NPFFR2: variants seen among roughly 807,000 people sequenced by gnomAD.
NPFFR2 encodes the protein neuropeptide FF receptor 2, also known as G-protein coupled receptor 74.
In NPFFR2, 15 loss-of-function variants were observed where a neutral mutation model predicts 13.1. The observed-to-expected ratio is 1.15, with a 90% CI of 0.77 to 1.76. The LOEUF (loss-of-function observed/expected upper bound fraction) is 1.76. Among genes scored for constraint, NPFFR2 ranks in the 40% most tolerant of loss-of-function variants. NPFFR2 has a pLI of 0.00. For missense variants in NPFFR2, 572 were observed against 503.5 expected (o/e 1.14, Z -1.30); for synonymous variants, 190 against 175.7 (o/e 1.08, Z -0.65).
chr4:72,133,824 A>G lies in NPFFR2; in HGVS notation c.329-4216A>G, dbSNP rs190521277. Among the ~76,000 whole-genome samples, 571 of 152,274 alleles carry G rather than the reference A, an allele frequency of 3.7e-3. 6 individuals carry two copies. Among genetic ancestry groups the G allele is most frequent in the African/African-American group, 0.013 (551 of 41,558 alleles). On this transcript the variant is annotated intron_variant, in intron 2 of 3. Transcript: ENST00000308744. ...CTCTCGGCTTGACTGTTGTGGATGT[A>G]TAGGAATGCCAGTGATTTTTGTACA...
At chr4:72,092,777 A>T (rs571733852) in intron 1 of NPFFR2, among the ~76,000 whole-genome samples, 10 of 152,176 alleles carry the variant, frequency 6.6e-5, no homozygotes, top group Admixed American at 6.5e-4. Flanking sequence ...TTGGTTGGTG[A>T]ATTCTTATTC....
At chr4:72,139,558 A>G (rs2109845207) in intron 3 of NPFFR2, among the ~76,000 whole-genome samples, 1 of 152,152 alleles carries the variant, frequency 6.6e-6, no homozygotes, top group East Asian at 1.9e-4. Context: ...GTCAAAAATC[A>G]GATGGATGTA....
chr4:72,134,528 A>C (rs1722349677), intron 2 of NPFFR2, among the ~76,000 whole-genome samples: 1 of 152,166 alleles, frequency 6.6e-6, no homozygotes, highest in Admixed American at 6.5e-5. Flanking sequence ...TTGAATCAAC[A>C]TACAGAATAT....
chr4:72,074,281 T>G (rs564613794), intron 1 of NPFFR2, among the ~76,000 whole-genome samples: 2 of 152,154 alleles, frequency 1.3e-5, no homozygotes, highest in East Asian at 3.9e-4. Flanking sequence ...GACTTTTCAA[T>G]TATGTCACGA....
chr4:72,125,088 A>G (rs1721997946), intron 1 of NPFFR2, among the ~76,000 whole-genome samples: 2 of 152,194 alleles, frequency 1.3e-5, no homozygotes, highest in African/African-American at 4.8e-5. Context: ...TTACCAGAAA[A>G]AACAACCCCA....
chr4:72,085,284 T>C (rs1720734175), intron 1 of NPFFR2, among the ~76,000 whole-genome samples: 1 of 152,164 alleles, frequency 6.6e-6, no homozygotes, highest in Admixed American at 6.6e-5. Context: ...GTATCTTATA[T>C]AATAGCAGTG....
In NPFFR2 at chr4:72,118,666, C is replaced by A. The variant is rs116175528; in HGVS notation, c.-7-9919C>A. On this transcript the variant is annotated intron_variant, in intron 1 of 3. Transcript: ENST00000308744. ...ACCAAGAAATTACAAAAGAAAAAAA[C>A]CTACAATCTATGAAACAAAAATTAT... Among the ~76,000 whole-genome samples the A allele has an allele frequency of 4.3e-3, 653 of 152,080 alleles. 6 individuals carry two copies. The highest frequency in any genetic ancestry group is 0.015 in the African/African-American group (627 of 41,500).
intron 1 of NPFFR2, among the ~76,000 whole-genome samples, chr4:72,040,927 A>ATATAT: frequency 6.8e-6 from 1 of 146,802 alleles, no homozygotes; most frequent in South Asian, 2.2e-4. Flanking sequence ...ACTGCTGTAA[A>ATATAT]ATATATATAT....
chr4:72,052,639 G>A (rs539681649), intron 1 of NPFFR2, among the ~76,000 whole-genome samples: 2 of 152,052 alleles, frequency 1.3e-5, no homozygotes, highest in South Asian at 2.1e-4. Context: ...TTTTGAAAAG[G>A]CCCTGCAAAA....
At chr4:72,136,000 T>A (rs1032548139) in intron 2 of NPFFR2, among the ~76,000 whole-genome samples, 2 of 152,172 alleles carry the variant, frequency 1.3e-5, no homozygotes, top group Admixed American at 1.3e-4. Flanking sequence ...ATTCTACTCT[T>A]AGTTATTGCT....
At chr4:72,049,753 T>C (rs1719486479) in intron 1 of NPFFR2, among the ~76,000 whole-genome samples, 1 of 151,898 alleles carries the variant, frequency 6.6e-6, no homozygotes, top group Non-Finnish European at 1.5e-5. Flanking sequence ...TGGTCTTCTT[T>C]CCCAGCTCCT....
intron 2 of NPFFR2, among the ~76,000 whole-genome samples, chr4:72,132,935 G>A (rs1398559047): frequency 1.3e-5 from 2 of 152,082 alleles, no homozygotes; most frequent in Non-Finnish European, 2.9e-5. Flanking sequence ...TTTTCTCTCA[G>A]TATGTAGGTT....
chr4:72,147,802 G>A lies in NPFFR2; in HGVS notation c.1253G>A (p.Ser418Asn). ...MEELKETTNSSEI is the reference protein window; with the variant it reads ...MEELKETTNSNEI ...GAATTAAAAGAAACTACTAACAGCA[G>A]TGAGATTTAAAAAGAGCTAGTGTGA... is the stretch of plus-strand genomic sequence containing the variant. The change falls in exon 4 of 4, where the codon AGT (serine) becomes AAT (asparagine). Residue 418 changes from serine to asparagine, a missense_variant. Ser to Asn is a conservative substitution (Grantham distance 46, BLOSUM62 1). Coordinates refer to ENST00000308744, the MANE Select transcript of NPFFR2 (RefSeq NM_004885.3). 1 of 1,565,986 alleles carries A rather than the reference G, an allele frequency of 6.4e-7. No homozygotes were observed. The highest frequency in any genetic ancestry group is 8.6e-7 in the Non-Finnish European group (1 of 1,163,416).
intron 1 of NPFFR2, among the ~76,000 whole-genome samples, chr4:72,120,955 G>A (rs1030328767): frequency 3.9e-5 from 6 of 152,076 alleles, no homozygotes; most frequent in Non-Finnish European, 7.4e-5. Context: ...ACTCTTCCAA[G>A]CTAAAGGAGC....
chr4:72,079,517 C>T (rs1441044671), intron 1 of NPFFR2, among the ~76,000 whole-genome samples: 1 of 152,052 alleles, frequency 6.6e-6, no homozygotes, highest in African/African-American at 2.4e-5. Flanking sequence ...CAAAATAGAT[C>T]AGAGACCTAA....
chr4:72,075,331 A>G (rs906121587), intron 1 of NPFFR2, among the ~76,000 whole-genome samples: 2 of 152,128 alleles, frequency 1.3e-5, no homozygotes, highest in African/African-American at 2.4e-5. Context: ...GGACCTTGTG[A>G]TTGTGTGAGT....
rs1721283049 is a variant in NPFFR2 at position 72,102,523 on chromosome 4, C to A, written c.-7-26062C>A. Among the ~76,000 whole-genome samples the A allele has an allele frequency of 2.5e-5, 3 of 120,038 alleles. No individual in the cohort carries two copies. The Admixed American group carries it at 2.8e-4, about 11-fold the overall frequency. 78.7% of individuals were successfully genotyped at this position (120,038 alleles called of 152,430 possible). A position where few individuals can be genotyped will look rare whatever the true frequency, so the allele number is the denominator to read the frequency against. On this transcript the variant is annotated intron_variant, in intron 1 of 3. Coordinates refer to ENST00000308744, the MANE Select transcript of NPFFR2 (RefSeq NM_004885.3). ...GTATATCTCCTAATGCTATCCCTCC[C>A]CCCTCCCCCCACCCACAACAGTCCC...
chr4:72,148,204 C>T lies in NPFFR2; in HGVS notation c.*392C>T, dbSNP rs1578489308. The T allele has an allele frequency of 6.2e-6, 1 of 160,102 alleles. No homozygotes were observed. The allele number at this position is 160,102 out of a possible 1,614,324, so 9.9% of individuals were successfully genotyped here. On this transcript the variant is annotated 3_prime_UTR_variant, in exon 4 of 4. Transcript: ENST00000308744. ...ATGAAACTAGATTTTATCAATTTCT[C>T]CTTTGATTTTGGATTTAAAATTTTA...
At chr4:72,142,917 T>C (rs1239734146) in intron 3 of NPFFR2, among the ~76,000 whole-genome samples, 1 of 152,298 alleles carries the variant, frequency 6.6e-6, no homozygotes, top group South Asian at 2.1e-4. Context: ...GGCAAAGTCA[T>C]TAACAAATAT....
Sources: gnomAD v4.1 joint callset for allele counts (sites outside exome capture counted in the v4.1 genomes callset) on GRCh38, gnomAD v4.1.1 for gene constraint, MANE v1.5 for transcripts, NCBI Gene and HGNC (gene_info 2026-07-23, HGNC 2026-07-21) for gene names.